Variants in AIFM1 observed in about 807,000 individuals in gnomAD.
AIFM1 encodes the protein apoptosis-inducing factor 1, mitochondrial.
In AIFM1, 3 loss-of-function variants were observed where a neutral mutation model predicts 51.7. The ratio of observed to expected loss-of-function variants is 0.06; its 90% confidence interval spans 0.03 to 0.15. AIFM1 has a LOEUF of 0.15. AIFM1 is among the 10% of genes least tolerant of loss of function. AIFM1 has a pLI of 1.00. For synonymous variants in AIFM1, 178 were observed against 179.4 expected (o/e 0.99, Z 0.06); for missense variants, 330 against 476.8 (o/e 0.69, Z 2.87).
chrX:130,145,709 T>C, intron 5 of AIFM1, 140 bp from the exon 6 acceptor site: 1 of 501,945 alleles, frequency 2.0e-6, no homozygotes. Context: ...TATTAAATCA[T>C]GGTCATGACT....
Position 130,136,697 on chromosome X carries a change from T to C in AIFM1, c.1110A>G (p.Gln370=). Residue 370 remains glutamine, a synonymous_variant, in exon 11 of 16, where the codon CAA becomes CAG. Transcript: ENST00000287295. ...ACTTGCCACTGCTGACTCCAACGGA[T>C]TGCACAATAGCATTGGGCATCACCT... ...GVKVMPNAIV[Q]SVGVSSGKLL... is the part of the protein sequence containing the mutation. The C allele has an allele frequency of 8.3e-7, 1 of 1,210,850 alleles. No homozygotes were observed. Among genetic ancestry groups the C allele is most frequent in the Non-Finnish European group, 1.1e-6 (1 of 895,212 alleles).
At position 130,156,704 on chromosome X, in the gene AIFM1, C is replaced by T. The variant is rs2031173962; in HGVS notation, c.107-101G>A. 6 of 908,605 alleles carry T rather than the reference C, an allele frequency of 6.6e-6. No individual in the cohort carries two copies. In the Admixed American group the frequency reaches 1.4e-4, roughly 21 times the overall value. 74.9% of individuals were successfully genotyped at this position (908,605 alleles called of 1,213,427 possible). A position where few individuals can be genotyped will look rare whatever the true frequency, so the allele number is the denominator to read the frequency against. ...TGCACTGTACAAGACTTATTGCCCA[C>T]AGATATTCACCGTTAAATGATCAAG... On this transcript the variant is annotated intron_variant, in intron 1 of 15. Coordinates refer to ENST00000287295, the MANE Select transcript of AIFM1 (RefSeq NM_004208.4).
At chrX:130,150,977 C>CAAAAAAAAAAAA (rs759870161) in intron 2 of AIFM1, among the ~76,000 whole-genome samples, 3,762 of 27,484 alleles carry the variant, frequency 0.14, 609 homozygotes, top group African/African-American at 0.25. Context: ...GACTCTGTCT[C>CAAAAAAAAAAAA]AAAAAAAAAA....
At chrX:130,155,392 G>A (rs1039511410) in intron 2 of AIFM1, 89 of 998,239 alleles carry the variant, frequency 8.9e-5, no homozygotes, top group Non-Finnish European at 1.2e-4. Flanking sequence ...TGGTTACCCT[G>A]TGCTAAAAAA....
At chrX:130,136,291 C>A in intron 11 of AIFM1, 106 bp from the exon 12 acceptor site, 1 of 964,804 alleles carries the variant, frequency 1.0e-6, no homozygotes. Context: ...TTTAAAAAAT[C>A]ATGGGTTAAC....
intron 2 of AIFM1, among the ~76,000 whole-genome samples, chrX:130,149,998 A>G (rs1314165664): frequency 8.9e-6 from 1 of 112,141 alleles, no homozygotes; most frequent in Non-Finnish European, 1.9e-5. Flanking sequence ...AAGCTGGGAC[A>G]TAAGTTTTCC....
chrX:130,139,924 A>C, intron 7 of AIFM1, 53 bp from the exon 8 acceptor site: 1 of 1,008,125 alleles, frequency 9.9e-7, no homozygotes, highest in South Asian at 1.9e-5. Flanking sequence ...AGCCAGCCCA[A>C]ACAATACTCC....
Position 130,130,021 on chromosome X carries a change from G to C in AIFM1, c.1719C>G (p.Val573=), listed in dbSNP as rs771940618. ...AGATGTTCCATAGCACAATCCCCACGACCACTTTGTCCCTGAGGTAGAAGA... is the reference window on the plus strand; with the variant it reads ...AGATGTTCCATAGCACAATCCCCACCACCACTTTGTCCCTGAGGTAGAAGA... The part of the protein sequence containing the change: ...GVIFYLRDKV[V]VGIVLWNIFN... Residue 573 remains valine, a synonymous_variant, in exon 15 of 16, where the codon GTC becomes GTG. Transcript: ENST00000287295. The C allele has an allele frequency of 5.8e-6, 7 of 1,211,349 alleles. No homozygotes were observed. Among genetic ancestry groups the C allele is most frequent in the Non-Finnish European group, 1.1e-6 (1 of 895,420 alleles).
intron 2 of AIFM1, among the ~76,000 whole-genome samples, chrX:130,153,502 T>TA (rs1327911393): frequency 9.0e-6 from 1 of 111,493 alleles, no homozygotes; most frequent in Non-Finnish European, 1.9e-5. Context: ...AGAAAAAAGT[T>TA]ACGAAGAAAC....
chrX:130,156,870 G>A (rs916005286), intron 1 of AIFM1, among the ~76,000 whole-genome samples: 4 of 111,612 alleles, frequency 3.6e-5, no homozygotes, highest in Admixed American at 9.6e-5. Flanking sequence ...TGAAAAACAC[G>A]AACAGTTCAT....
rs979008960 is a variant in AIFM1 at position 130,129,708 on chromosome X, G to T, written c.1771-80C>A. The T allele has an allele frequency of 6.3e-6, 6 of 948,328 alleles. No individual in the cohort carries two copies. The Admixed American group carries it at 1.3e-4, about 21-fold the overall frequency. The allele number at this position is 948,328 out of a possible 1,213,427, so 78.2% of individuals were successfully genotyped here. On this transcript the variant is annotated intron_variant, in intron 15 of 15. Coordinates refer to ENST00000287295, the MANE Select transcript of AIFM1 (RefSeq NM_004208.4). ...ATGCCCACACAATGGGGCTACCTGG[G>T]GCAGTCCCCATATCACACTGGGAGG...
chrX:130,160,202 CA>C (rs949991048), intron 1 of AIFM1, among the ~76,000 whole-genome samples: 1 of 111,874 alleles, frequency 8.9e-6, no homozygotes, highest in African/African-American at 3.3e-5. Flanking sequence ...TGTTTGCTTA[CA>C]TTCCCCCTCC....
chrX:130,131,553 C>T, intron 14 of AIFM1, 122 bp downstream of exon 14: 1 of 1,045,157 alleles, frequency 9.6e-7, no homozygotes, highest in South Asian at 1.9e-5. Flanking sequence ...TCTTTTAAAG[C>T]ACAACATGAA....
chrX:130,140,330 C>T (rs1006604096), intron 7 of AIFM1, among the ~76,000 whole-genome samples: 2 of 112,187 alleles, frequency 1.8e-5, no homozygotes, highest in Non-Finnish European at 3.8e-5. Context: ...ATGCCTCTAC[C>T]GGGAGAACAG....
chrX:130,161,547 A>G (rs1485727745), intron 1 of AIFM1, among the ~76,000 whole-genome samples: 1 of 107,761 alleles, frequency 9.3e-6, no homozygotes, highest in Non-Finnish European at 1.9e-5. Flanking sequence ...GGACAAGCCT[A>G]GATAGTCTGT....
chrX:130,163,047 C>T lies in AIFM1; in HGVS notation c.106+2504G>A, dbSNP rs191050203. 3.5e-3 allele frequency among the ~76,000 whole-genome samples: 387 copies of T among 111,207 alleles called. 3 individuals are homozygous for T. Among genetic ancestry groups the T allele is most frequent in the African/African-American group, 0.012 (370 of 30,645 alleles). ...AGATGTCAACGAGATAGTTGCAAGG[C>T]AGGTTTAAAGTTTAAAGGTTTGGGA... On this transcript the variant is annotated intron_variant, in intron 1 of 15. Transcript: ENST00000287295.
At chrX:130,159,631 T>A (rs992330710) in intron 1 of AIFM1, among the ~76,000 whole-genome samples, 3 of 110,478 alleles carry the variant, frequency 2.7e-5, no homozygotes, top group Non-Finnish European at 3.8e-5. Context: ...TTCTTTTTTT[T>A]AATTCTGTTT....
chrX:130,152,408 C>T (rs1460747694), intron 2 of AIFM1, among the ~76,000 whole-genome samples: 2 of 111,551 alleles, frequency 1.8e-5, no homozygotes, highest in African/African-American at 6.5e-5. Flanking sequence ...TTCTGTACTC[C>T]TAGTTTGCAC....
chrX:130,152,798 TGAAATCA>T (rs775664735), intron 2 of AIFM1, among the ~76,000 whole-genome samples: 6 of 111,830 alleles, frequency 5.4e-5, no homozygotes, highest in African/African-American at 2.0e-4. Context: ...GAAGCACTGT[TGAAATCA>T]GTGTTTTTCA....
Sources: allele counts gnomAD v4.1 joint callset (sites outside exome capture counted in the v4.1 genomes callset), GRCh38; gene constraint gnomAD v4.1.1; transcripts MANE v1.5; gene names NCBI Gene and HGNC (gene_info 2026-07-23, HGNC 2026-07-21).